The following RABGAP1L variants were observed in gnomAD, a reference collection of about 807,000 sequenced individuals.
RABGAP1L encodes the protein RAB GTPase activating protein 1 like.
A neutral mutation model predicts 137.7 loss-of-function variants in RABGAP1L; 63 were observed. The ratio of observed to expected loss-of-function variants is 0.46; its 90% confidence interval spans 0.37 to 0.56. The LOEUF (loss-of-function observed/expected upper bound fraction) is 0.56. RABGAP1L is among the 20% of genes least tolerant of loss of function. The probability of loss-of-function intolerance (pLI) is 0.00; values close to 1 mark genes in which losing one functional copy is unlikely to be tolerated. For synonymous variants in RABGAP1L, 431 were observed against 433.7 expected (o/e 0.99, Z 0.08); for missense variants, 1,095 against 1,244.0 (o/e 0.88, Z 1.80).
intron 13 of RABGAP1L, among the ~76,000 whole-genome samples, chr1:174,413,451 T>C (rs78666443): frequency 0.017 from 2,520 of 152,262 alleles, 49 homozygotes; most frequent in African/African-American, 0.058. Context: ...ATTTATGAGT[T>C]TCCATTTTAG....
intron 13 of RABGAP1L, among the ~76,000 whole-genome samples, chr1:174,502,528 C>G (rs1416421576): frequency 6.8e-6 from 1 of 146,472 alleles, no homozygotes; most frequent in Non-Finnish European, 1.5e-5. Flanking sequence ...AAAGGAAACT[C>G]AGGAAACAAC....
At chr1:174,851,587 T>C (rs1648355158) in intron 19 of RABGAP1L, among the ~76,000 whole-genome samples, 3 of 152,086 alleles carry the variant, frequency 2.0e-5, no homozygotes, top group Non-Finnish European at 4.4e-5. Flanking sequence ...AATCACCACT[T>C]ACTGCAACCT....
At chr1:174,640,349 AT>A (rs1322310637) in intron 14 of RABGAP1L, among the ~76,000 whole-genome samples, 1 of 152,128 alleles carries the variant, frequency 6.6e-6, no homozygotes, top group East Asian at 1.9e-4. Context: ...AGAATGGAAT[AT>A]TATTCTCAAG....
chr1:174,168,981 G>T (rs1175784525), intron 1 of RABGAP1L, among the ~76,000 whole-genome samples: 2 of 152,154 alleles, frequency 1.3e-5, no homozygotes, highest in African/African-American at 4.8e-5. Context: ...CATTCTGTAT[G>T]TCCATGTGTA....
chr1:174,808,017 T>C (rs1010491056), intron 18 of RABGAP1L, among the ~76,000 whole-genome samples: 1 of 150,828 alleles, frequency 6.6e-6, no homozygotes, highest in Non-Finnish European at 1.5e-5. Flanking sequence ...CTCACTGTAT[T>C]GCCCAGGCTG....
At chr1:174,652,059 TG>T (rs1675554272) in intron 14 of RABGAP1L, among the ~76,000 whole-genome samples, 1 of 152,222 alleles carries the variant, frequency 6.6e-6, no homozygotes, top group Non-Finnish European at 1.5e-5. Context: ...AGCATTTGTT[TG>T]TCTGTAAAGT....
chr1:174,323,732 A>G (rs2148835719), intron 11 of RABGAP1L, among the ~76,000 whole-genome samples: 1 of 152,258 alleles, frequency 6.6e-6, no homozygotes, highest in Non-Finnish European at 1.5e-5. Flanking sequence ...AGCCACATAT[A>G]CTTCTTTAAA....
intron 19 of RABGAP1L, among the ~76,000 whole-genome samples, chr1:174,930,561 C>T (rs1663627232): frequency 6.6e-6 from 1 of 152,170 alleles, no homozygotes; most frequent in Non-Finnish European, 1.5e-5. Context: ...CAGCAATCCT[C>T]CCACCTTGGC....
At chr1:174,588,585 C>A (rs954759354) in intron 13 of RABGAP1L, among the ~76,000 whole-genome samples, 4 of 152,156 alleles carry the variant, frequency 2.6e-5, no homozygotes, top group Non-Finnish European at 5.9e-5. Context: ...TTAAACATCT[C>A]CACTTTGCCC....
intron 19 of RABGAP1L, among the ~76,000 whole-genome samples, chr1:174,831,866 A>G (rs1224225463): frequency 6.7e-6 from 1 of 148,518 alleles, no homozygotes; most frequent in African/African-American, 2.5e-5. Flanking sequence ...CACCTAAGGT[A>G]GGAGAGTGGA....
At chr1:174,814,457 G>A (rs1008765832) in intron 19 of RABGAP1L, among the ~76,000 whole-genome samples, 2 of 152,128 alleles carry the variant, frequency 1.3e-5, no homozygotes, top group African/African-American at 4.8e-5. Context: ...TGAGGCAGAT[G>A]TGAGGTGAAA....
chr1:174,461,360 G>A (rs760630086), intron 13 of RABGAP1L, among the ~76,000 whole-genome samples: 118 of 152,210 alleles, frequency 7.8e-4, no homozygotes, highest in Non-Finnish European at 1.5e-3. Flanking sequence ...CATGGGAATA[G>A]TATCCATAGT....
At chr1:174,614,604 C>G (rs1166449735) in intron 13 of RABGAP1L, among the ~76,000 whole-genome samples, 3 of 152,114 alleles carry the variant, frequency 2.0e-5, no homozygotes, top group Non-Finnish European at 4.4e-5. Flanking sequence ...CTCTGTATTT[C>G]CTGAATCTGA....
intron 19 of RABGAP1L, among the ~76,000 whole-genome samples, chr1:174,864,711 A>C (rs1310048095): frequency 1.3e-5 from 2 of 152,256 alleles, no homozygotes; most frequent in Non-Finnish European, 2.9e-5. Context: ...GTCTGGGGAC[A>C]CAGCCAAACC....
At chr1:174,195,751 C>CTCTCTT in intron 1 of RABGAP1L, among the ~76,000 whole-genome samples, 1 of 128,000 alleles carries the variant, frequency 7.8e-6, no homozygotes, top group South Asian at 2.6e-4. Context: ...TTCTTTCTTT[C>CTCTCTT]TCTCTTTCTC....
At chr1:174,499,699 C>T (rs765962547) in intron 13 of RABGAP1L, among the ~76,000 whole-genome samples, 9 of 152,124 alleles carry the variant, frequency 5.9e-5, no homozygotes, top group Non-Finnish European at 8.8e-5. Flanking sequence ...AGATGTTTAG[C>T]GCAGTGCCTG....
intron 1 of RABGAP1L, among the ~76,000 whole-genome samples, chr1:174,175,758 T>A (rs1665794649): frequency 6.6e-6 from 1 of 151,916 alleles, no homozygotes; most frequent in African/African-American, 2.4e-5. Flanking sequence ...CCTGAGTAGC[T>A]GGGATTACAG....
intron 14 of RABGAP1L, among the ~76,000 whole-genome samples, chr1:174,644,315 G>C (rs2148364897): frequency 6.6e-6 from 1 of 152,000 alleles, no homozygotes; most frequent in South Asian, 2.1e-4. Flanking sequence ...TAGCTTTTTA[G>C]TTTCTGTGAA....
chr1:174,562,159 GAAAC>G (rs1194169915), intron 13 of RABGAP1L, among the ~76,000 whole-genome samples: 2 of 151,824 alleles, frequency 1.3e-5, no homozygotes, highest in Non-Finnish European at 2.9e-5. Context: ...AGATTTACAA[GAAAC>G]AAACAATCCC....
Sources: gnomAD v4.1 joint callset for allele counts (sites outside exome capture counted in the v4.1 genomes callset) on GRCh38, gnomAD v4.1.1 for gene constraint, MANE v1.5 for transcripts, NCBI Gene and HGNC (gene_info 2026-07-23, HGNC 2026-07-21) for gene names.